Variants in TYW1B observed in about 807,000 individuals in gnomAD.
The protein encoded by TYW1B is tRNA-yW synthesizing protein 1 homolog B.
In TYW1B, 73 loss-of-function variants were observed where a neutral mutation model predicts 86.9. The observed-to-expected ratio is 0.84, with a 90% CI of 0.70 to 1.02. The LOEUF is 1.02. Among genes scored for constraint, TYW1B ranks in the 50% least tolerant of loss-of-function variants. TYW1B has a pLI of 0.00. For synonymous variants in TYW1B, 248 were observed against 292.8 expected, an observed-to-expected ratio of 0.85 and a Z score of 1.56; for missense variants, 637 against 827.4, an observed-to-expected ratio of 0.77 and a Z score of 2.82.
At chr7:72,799,068 C>T (rs1788358329) in intron 6 of TYW1B, among the ~76,000 whole-genome samples, 2 of 151,580 alleles carry the variant, frequency 1.3e-5, no homozygotes, top group South Asian at 4.2e-4. Context: ...GTCTCGAACT[C>T]CTGACCTCAA....
intron 2 of TYW1B, among the ~76,000 whole-genome samples, chr7:72,816,286 G>C (rs1788721034): frequency 6.6e-6 from 1 of 152,086 alleles, no homozygotes; most frequent in Non-Finnish European, 1.5e-5. Context: ...TGAGGCAGGA[G>C]AATCACTTGA....
intron 11 of TYW1B, among the ~76,000 whole-genome samples, chr7:72,648,667 A>G (rs1157110961): frequency 6.6e-6 from 1 of 152,166 alleles, no homozygotes; most frequent in Non-Finnish European, 1.5e-5. Context: ...ATCGTAGGAC[A>G]GTGTGGCCAG....
At chr7:72,793,754 C>CA (rs11327564) in intron 6 of TYW1B, among the ~76,000 whole-genome samples, 1,649 of 70,682 alleles carry the variant, frequency 0.023, 24 homozygotes, top group African/African-American at 0.048. Flanking sequence ...GACTCCGTCT[C>CA]AAAAAAAAAA....
intron 7 of TYW1B, among the ~76,000 whole-genome samples, chr7:72,757,021 T>A (rs1012185269): frequency 6.6e-6 from 1 of 152,098 alleles, no homozygotes; most frequent in African/African-American, 2.4e-5. Flanking sequence ...GGAACCCTCA[T>A]ACACACAGGT....
At chr7:72,592,185 A>AAAAAAG (rs1162276059) in intron 13 of TYW1B, among the ~76,000 whole-genome samples, 2 of 147,566 alleles carry the variant, frequency 1.4e-5, no homozygotes, top group African/African-American at 5.0e-5. Context: ...AAAAAAAAAA[A>AAAAAAG]GACAAGTATT....
chr7:72,638,189 C>T (rs1339560871), intron 11 of TYW1B, among the ~76,000 whole-genome samples: 2 of 150,524 alleles, frequency 1.3e-5, no homozygotes, highest in Admixed American at 6.7e-5. Context: ...TGACAAATGT[C>T]CCAAACAGTC....
chr7:72,708,184 T>C (rs1272351765), intron 10 of TYW1B, among the ~76,000 whole-genome samples: 1 of 152,100 alleles, frequency 6.6e-6, no homozygotes, highest in African/African-American at 2.4e-5. Context: ...GAAACCCTTT[T>C]AGGGAAAGGT....
intron 12 of TYW1B, among the ~76,000 whole-genome samples, chr7:72,626,556 A>G (rs1211235747): frequency 2.6e-5 from 4 of 152,128 alleles, no homozygotes; most frequent in Non-Finnish European, 5.9e-5. Context: ...TTTCTCCCCA[A>G]ATATGTCCCC....
chr7:72,811,056 G>A (rs148365459), intron 3 of TYW1B, among the ~76,000 whole-genome samples: 1 of 151,984 alleles, frequency 6.6e-6, no homozygotes, highest in East Asian at 1.9e-4. Context: ...CGGATCACAA[G>A]GTCAGGAGAT....
At chr7:72,797,017 G>A (rs1257925382) in intron 6 of TYW1B, among the ~76,000 whole-genome samples, 2 of 151,734 alleles carry the variant, frequency 1.3e-5, no homozygotes, top group East Asian at 3.9e-4. Context: ...GTGTTGGTTA[G>A]GCTGGTCTCG....
intron 11 of TYW1B, among the ~76,000 whole-genome samples, chr7:72,658,384 C>CA (rs535083153): frequency 8.6e-5 from 13 of 151,552 alleles, no homozygotes; most frequent in Admixed American, 5.3e-4. Context: ...GTTACACAAA[C>CA]AAAAAAAGCA....
chr7:72,799,113 G>A (rs1788358921), intron 6 of TYW1B, among the ~76,000 whole-genome samples: 3 of 149,756 alleles, frequency 2.0e-5, no homozygotes, highest in African/African-American at 7.4e-5. Flanking sequence ...AAAGGGTTGG[G>A]ATTACAGGCA....
chr7:72,784,144 G>GA (rs34367024), intron 6 of TYW1B, among the ~76,000 whole-genome samples: 111,789 of 147,342 alleles, frequency 0.76, 42,307 homozygotes, highest in Middle Eastern at 0.79. Flanking sequence ...ATTTACTGCA[G>GA]AAAAAAAAAA....
intron 11 of TYW1B, among the ~76,000 whole-genome samples, chr7:72,684,455 TAGA>T (rs1813955947): frequency 6.6e-6 from 1 of 152,006 alleles, no homozygotes; most frequent in South Asian, 2.1e-4. Flanking sequence ...AATCACCACC[TAGA>T]ATCTGCACCC....
At chr7:72,618,227 ATTTTTTT>A (rs869158136) in intron 12 of TYW1B, among the ~76,000 whole-genome samples, 215 of 103,940 alleles carry the variant, frequency 2.1e-3, no homozygotes, top group Middle Eastern at 6.6e-3. Context: ...ATGACACTGA[ATTTTTTT>A]TTTTTTTTTT....
chr7:72,757,107 C>T (rs533662905), intron 7 of TYW1B, among the ~76,000 whole-genome samples: 1 of 152,248 alleles, frequency 6.6e-6, no homozygotes, highest in African/African-American at 2.4e-5. Context: ...GTGGCTCATG[C>T]CTGTAATCCT....
chr7:72,768,253 A>AAC (rs1787805847), intron 7 of TYW1B, among the ~76,000 whole-genome samples: 1 of 151,926 alleles, frequency 6.6e-6, no homozygotes, highest in Non-Finnish European at 1.5e-5. Context: ...AAAAAAAAAA[A>AAC]ATTTTAAAAA....
intron 11 of TYW1B, among the ~76,000 whole-genome samples, chr7:72,666,732 G>A (rs1167430711): frequency 6.6e-6 from 1 of 152,002 alleles, no homozygotes; most frequent in Non-Finnish European, 1.5e-5. Context: ...AAAATCTCCA[G>A]TTTTTAAAAA....
intron 2 of TYW1B, among the ~76,000 whole-genome samples, chr7:72,823,568 C>T (rs71554650): frequency 0.095 from 14,439 of 151,490 alleles, 1,186 homozygotes; most frequent in East Asian, 0.33. Flanking sequence ...TGCAGTGAGC[C>T]GAGATCGCGC....
Sources: gnomAD v4.1 joint callset for allele counts (sites outside exome capture counted in the v4.1 genomes callset) on GRCh38, gnomAD v4.1.1 for gene constraint, MANE v1.5 for transcripts, NCBI Gene and HGNC (gene_info 2026-07-23, HGNC 2026-07-21) for gene names.